ARHGEF28: variants seen among roughly 807,000 people sequenced by gnomAD.
ARHGEF28 encodes the protein 190 kDa guanine nucleotide exchange factor.
Under a neutral mutation model 206.6 loss-of-function variants are expected in ARHGEF28, and 152 were observed. The observed-to-expected ratio is 0.74, with a 90% CI of 0.64 to 0.84. ARHGEF28 has a LOEUF of 0.84. Among genes scored for constraint, ARHGEF28 ranks in the 40% least tolerant of loss-of-function variants. The pLI is 0.00. For synonymous variants in ARHGEF28, 763 were observed against 776.4 expected, an observed-to-expected ratio of 0.98 and a Z score of 0.29; for missense variants, 2,028 against 2,073.2, an observed-to-expected ratio of 0.98 and a Z score of 0.42.
chr5:73,760,742 G>T (rs1296974153), intron 4 of ARHGEF28, among the ~76,000 whole-genome samples: 1 of 152,082 alleles, frequency 6.6e-6, no homozygotes, highest in African/African-American at 2.4e-5. Flanking sequence ...TGGCAGTAAA[G>T]AATTTAATAT....
In ARHGEF28 at chr5:73,846,556, CATATT is replaced by C. The variant is rs369463223; in HGVS notation, c.1635+87_1635+91del. The stretch of plus-strand genomic sequence containing the variant: ...CATTTACCCATCTGTATCTGAAAGA[CATATT>C]ATATTTTATTCATACATATGAACTA... On this transcript the variant is annotated intron_variant, in intron 12 of 35. Coordinates refer to ENST00000513042, the MANE Select transcript of ARHGEF28 (RefSeq NM_001177693.2). 22 of 1,323,322 alleles carry C rather than the reference CATATT, an allele frequency of 1.7e-5. No homozygotes were observed. The African/African-American group carries it at 2.4e-4, about 15-fold the overall frequency. 82.0% of individuals were successfully genotyped at this position (1,323,322 alleles called of 1,614,324 possible).
intron 7 of ARHGEF28, among the ~76,000 whole-genome samples, chr5:73,789,768 A>G (rs13355491): frequency 0.57 from 86,141 of 151,748 alleles, 25,515 homozygotes; most frequent in African/African-American, 0.76. Context: ...GTCCCCCAGG[A>G]GCCTTGTGAG....
At chr5:73,889,686 C>T (rs1436785687) in intron 26 of ARHGEF28, among the ~76,000 whole-genome samples, 1 of 152,188 alleles carries the variant, frequency 6.6e-6, no homozygotes, top group Non-Finnish European at 1.5e-5. Context: ...TTCATCTTCT[C>T]CTACATTAGA....
rs867485044 is a variant in ARHGEF28 at position 73,650,303 on chromosome 5, T to A, written c.-12+23981T>A. 9.3e-4 allele frequency among the ~76,000 whole-genome samples: 78 copies of A among 84,288 alleles called. 2 individuals carry two copies. The South Asian group carries it at 0.025, about 28-fold the overall frequency. 55.3% of individuals were successfully genotyped at this position (84,288 alleles called of 152,430 possible). On this transcript the variant is annotated intron_variant, in intron 1 of 35. Transcript: ENST00000513042. ...TTTTTTTTTTTTTTTTTTTTTTTTTTAGACGGAGTCTCATTCTGTCACCCA... is the reference window on the plus strand; with the variant it reads ...TTTTTTTTTTTTTTTTTTTTTTTTTAAGACGGAGTCTCATTCTGTCACCCA...
intron 30 of ARHGEF28, chr5:73,898,980 C>G (rs1762113949): frequency 6.6e-6 from 1 of 151,972 alleles, no homozygotes; most frequent in South Asian, 2.1e-4. Flanking sequence ...AAATTGAACT[C>G]AGAACTTCTT....
chr5:73,887,083 G>A (rs1026786298), intron 25 of ARHGEF28, among the ~76,000 whole-genome samples: 2 of 152,172 alleles, frequency 1.3e-5, no homozygotes, highest in Admixed American at 6.5e-5. Context: ...TCTATTGCTC[G>A]AAGTCATTTG....
intron 2 of ARHGEF28, among the ~76,000 whole-genome samples, chr5:73,748,227 G>C (rs749744940): frequency 6.6e-6 from 1 of 152,126 alleles, no homozygotes; most frequent in Non-Finnish European, 1.5e-5. Context: ...TTTTTTGGAA[G>C]CTATTGTATG....
At chr5:73,643,957 C>A (rs1744278611) in intron 1 of ARHGEF28, among the ~76,000 whole-genome samples, 1 of 152,136 alleles carries the variant, frequency 6.6e-6, no homozygotes, top group South Asian at 2.1e-4. Flanking sequence ...ATCAGATGCA[C>A]TAGGTGTGCC....
intron 1 of ARHGEF28, among the ~76,000 whole-genome samples, chr5:73,636,697 G>T (rs1217113967): frequency 3.9e-5 from 6 of 152,178 alleles, no homozygotes; most frequent in African/African-American, 1.4e-4. Flanking sequence ...AAGTAGATTT[G>T]GGTTGAAGTC....
chr5:73,859,766 T>C (rs1759275017), intron 16 of ARHGEF28, among the ~76,000 whole-genome samples: 1 of 152,196 alleles, frequency 6.6e-6, no homozygotes, highest in Non-Finnish European at 1.5e-5. Context: ...TCCTAGGTTG[T>C]TGTTCCACCC....
rs114447746 is a variant in ARHGEF28 at position 73,655,890 on chromosome 5, C to T, written c.-11-28951C>T. 9.9e-3 allele frequency among the ~76,000 whole-genome samples: 1,508 copies of T among 152,272 alleles called. 26 individuals carry two copies. Among genetic ancestry groups the T allele is most frequent in the African/African-American group, 0.034 (1,413 of 41,542 alleles). On this transcript the variant is annotated intron_variant, in intron 1 of 35. Transcript: ENST00000513042. ...ACTGTAAAAGGGAAGAGTTTGGGGG[C>T]GGTTTTCTCACAAAATGGTTGATGT... is the stretch of plus-strand genomic sequence containing the variant.
At chr5:73,794,338 G>A in intron 7 of ARHGEF28, 64 bp from the exon 8 acceptor site, 1 of 1,293,710 alleles carries the variant, frequency 7.7e-7, no homozygotes, top group Non-Finnish European at 1.1e-6. Context: ...TTGTCAGCTA[G>A]TAGTTGTTGT....
At chr5:73,645,029 C>T (rs1430702704) in intron 1 of ARHGEF28, among the ~76,000 whole-genome samples, 6 of 152,110 alleles carry the variant, frequency 3.9e-5, no homozygotes, top group Admixed American at 6.5e-5. Flanking sequence ...TTAGAGGGCT[C>T]CTATTAACAT....
intron 2 of ARHGEF28, among the ~76,000 whole-genome samples, chr5:73,685,948 C>T (rs1747438819): frequency 6.6e-6 from 1 of 152,142 alleles, no homozygotes; most frequent in African/African-American, 2.4e-5. Context: ...AATCAGAATC[C>T]TCAATTGATG....
chr5:73,855,214 A>C (rs949945550), intron 14 of ARHGEF28, among the ~76,000 whole-genome samples: 1 of 152,206 alleles, frequency 6.6e-6, no homozygotes, highest in African/African-American at 2.4e-5. Context: ...TCACATAATT[A>C]AATTAGATAT....
At chr5:73,643,814 C>CA (rs10655836) in intron 1 of ARHGEF28, among the ~76,000 whole-genome samples, 31,034 of 123,022 alleles carry the variant, frequency 0.25, 4,017 homozygotes, top group Non-Finnish European at 0.34. Flanking sequence ...GGCCCTGTCT[C>CA]AAAAAAAAAA....
chr5:73,844,725 A>C (rs1220331684), intron 11 of ARHGEF28, among the ~76,000 whole-genome samples: 3 of 138,128 alleles, frequency 2.2e-5, no homozygotes, highest in African/African-American at 8.0e-5. Context: ...AGACAGTTTC[A>C]TTGTTTTGTT....
At chr5:73,711,920 T>C (rs1749273132) in intron 2 of ARHGEF28, among the ~76,000 whole-genome samples, 1 of 151,910 alleles carries the variant, frequency 6.6e-6, no homozygotes, top group South Asian at 2.1e-4. Flanking sequence ...TAAGTATTAG[T>C]TCTAGGTTTG....
intron 4 of ARHGEF28, among the ~76,000 whole-genome samples, chr5:73,762,950 T>C (rs1444088235): frequency 2.6e-5 from 4 of 152,226 alleles, no homozygotes; most frequent in African/African-American, 7.2e-5. Flanking sequence ...ACATACATCA[T>C]AGAATGGCTG....
Sources: allele counts gnomAD v4.1 joint callset (sites outside exome capture counted in the v4.1 genomes callset), GRCh38; gene constraint gnomAD v4.1.1; transcripts MANE v1.5; gene names NCBI Gene and HGNC (gene_info 2026-07-23, HGNC 2026-07-21).